CSMD1: variants seen among roughly 807,000 people sequenced by gnomAD.
CSMD1 encodes CUB and Sushi multiple domains 1.
In CSMD1, 213 loss-of-function variants were observed where a neutral mutation model predicts 417.5. That is an observed-to-expected ratio of 0.51 (90% CI 0.46 to 0.57). The LOEUF is 0.57. Ranked by LOEUF, CSMD1 falls within the 20% of genes least tolerant of loss-of-function variation. The pLI is 0.00. For missense variants in CSMD1, 6,923 were observed against 4,529.7 expected (o/e 1.53, Z -15.17); for synonymous variants, 2,862 against 1,736.8 (o/e 1.65, Z -16.11).
At chr8:4,212,754 T>G (rs1171006020) in intron 3 of CSMD1, among the ~76,000 whole-genome samples, 1 of 15,924 alleles carries the variant, frequency 6.3e-5, no homozygotes, top group Non-Finnish European at 2.0e-4. Context: ...CCTTATTCTT[T>G]TTTTTTTTTT....
rs983061956 is a variant in CSMD1, at chr8:3,106,394, T to C, written c.6949+134A>G. ...ACCTGGGTGACAGAGTAAGACCCTA[T>C]CTCCAAGATAAATAAATAAATAATA... On this transcript the variant is annotated intron_variant, in intron 46 of 69. Transcript: ENST00000635120. 1.7e-5 allele frequency: 10 copies of C among 579,458 alleles called. No individual in the cohort carries two copies. In the East Asian group the frequency reaches 2.7e-4, roughly 16 times the overall value. 35.9% of individuals were successfully genotyped at this position (579,458 alleles called of 1,614,324 possible).
chr8:3,725,005 G>C (rs1287169736), intron 6 of CSMD1, among the ~76,000 whole-genome samples: 1 of 152,172 alleles, frequency 6.6e-6, no homozygotes, highest in African/African-American at 2.4e-5. Flanking sequence ...ATTTTATACA[G>C]CTATAAACGT....
intron 1 of CSMD1, among the ~76,000 whole-genome samples, chr8:4,923,184 T>G (rs566911809): frequency 6.6e-6 from 1 of 152,316 alleles, no homozygotes; most frequent in South Asian, 2.1e-4. Context: ...AGATGACCAC[T>G]GTCATTTTCT....
intron 10 of CSMD1, among the ~76,000 whole-genome samples, chr8:3,564,817 A>C (rs769218784): frequency 1.1e-4 from 17 of 152,024 alleles, no homozygotes; most frequent in Non-Finnish European, 2.4e-4. Context: ...AGTAGTCACC[A>C]AAACCAAACT....
chr8:3,545,593 T>A (rs974078004), intron 10 of CSMD1, among the ~76,000 whole-genome samples: 1 of 152,198 alleles, frequency 6.6e-6, no homozygotes, highest in East Asian at 1.9e-4. Flanking sequence ...AGGCTACTTA[T>A]CATGGGCTCT....
chr8:3,084,599 ATCTC>A (rs1370142091), intron 49 of CSMD1, among the ~76,000 whole-genome samples: 2 of 151,860 alleles, frequency 1.3e-5, no homozygotes, highest in African/African-American at 2.4e-5. Context: ...AACAAATAAA[ATCTC>A]TCTTTGTTGC....
rs550262351 is a variant in CSMD1 at position 4,510,193 on chromosome 8, G to A, written c.303-90128C>T. 6.6e-5 allele frequency among the ~76,000 whole-genome samples: 10 copies of A among 151,882 alleles called. 1 individual carries two copies. Among genetic ancestry groups the A allele is most frequent in the South Asian group, 6.2e-4 (3 of 4,816 alleles). On this transcript the variant is annotated intron_variant, in intron 2 of 69. Coordinates refer to ENST00000635120, the MANE Select transcript of CSMD1 (RefSeq NM_033225.6). ...TGACTTTGCTCCTCATTCACCTTCCGCCATGATAGTGAGGTCTCTCCAGCC... is the reference window on the plus strand; with the variant it reads ...TGACTTTGCTCCTCATTCACCTTCCACCATGATAGTGAGGTCTCTCCAGCC...
chr8:3,797,916 G>C (rs1800248048), intron 5 of CSMD1, among the ~76,000 whole-genome samples: 1 of 151,964 alleles, frequency 6.6e-6, no homozygotes, highest in Admixed American at 6.6e-5. Context: ...GTCAACATTT[G>C]ATATTGTCAA....
At chr8:4,308,092 T>C (rs892780795) in intron 3 of CSMD1, among the ~76,000 whole-genome samples, 11 of 152,180 alleles carry the variant, frequency 7.2e-5, no homozygotes, top group African/African-American at 2.7e-4. Flanking sequence ...ATTCGAACAG[T>C]GGCAGAAGTG....
chr8:4,562,464 G>A lies in CSMD1; in HGVS notation c.302+74878C>T, dbSNP rs78833227. 1.3e-3 allele frequency among the ~76,000 whole-genome samples: 193 copies of A among 152,260 alleles called. 2 individuals carry two copies. The East Asian group carries it at 0.031, about 24-fold the overall frequency. Reference sequence around the variant, plus strand: ...GTTATAATTCAACTCAAACTGTAGAGATTGAATTCATTAGAAATCTTATCA... The same window carrying A: ...GTTATAATTCAACTCAAACTGTAGAAATTGAATTCATTAGAAATCTTATCA... On this transcript the variant is annotated intron_variant, in intron 2 of 69. Coordinates refer to ENST00000635120, the MANE Select transcript of CSMD1 (RefSeq NM_033225.6).
chr8:4,361,693 C>G (rs990644933), intron 3 of CSMD1, among the ~76,000 whole-genome samples: 15 of 151,874 alleles, frequency 9.9e-5, no homozygotes, highest in Admixed American at 9.8e-4. Context: ...GCTTGGCTCA[C>G]GCCTGTAATC....
intron 2 of CSMD1, among the ~76,000 whole-genome samples, chr8:4,432,187 T>C (rs1009215787): frequency 2.6e-5 from 4 of 152,200 alleles, no homozygotes; most frequent in Non-Finnish European, 5.9e-5. Context: ...ATTGCGAAGT[T>C]TGAAAAAGTA....
chr8:3,632,872 G>C (rs1206341869), intron 7 of CSMD1, among the ~76,000 whole-genome samples: 4 of 152,216 alleles, frequency 2.6e-5, no homozygotes, highest in African/African-American at 9.6e-5. Context: ...CCTGTTTTAA[G>C]AAGGAAGTTC....
chr8:3,097,100 G>C, intron 46 of CSMD1, 63 bp from the exon 47 acceptor site: 3 of 1,291,420 alleles, frequency 2.3e-6, no homozygotes, highest in Non-Finnish European at 3.2e-6. Context: ...CAATAGGATA[G>C]TTTCTATCCC....
intron 5 of CSMD1, among the ~76,000 whole-genome samples, chr8:3,806,428 G>A (rs61091842): frequency 6.6e-5 from 10 of 152,284 alleles, no homozygotes; most frequent in East Asian, 1.9e-4. Flanking sequence ...ATCCTGATAC[G>A]GCCATGGCCT....
At chr8:4,848,261 G>C (rs1332901143) in intron 1 of CSMD1, among the ~76,000 whole-genome samples, 1 of 152,146 alleles carries the variant, frequency 6.6e-6, no homozygotes, top group Non-Finnish European at 1.5e-5. Context: ...TTCCTAGTTT[G>C]AATAATGTTG....
chr8:4,264,408 A>G (rs181855247), intron 3 of CSMD1, among the ~76,000 whole-genome samples: 4 of 152,344 alleles, frequency 2.6e-5, no homozygotes, highest in Non-Finnish European at 5.9e-5. Context: ...CAGAGGTTGC[A>G]CATGTATCTA....
chr8:3,741,619 T>A (rs1383281739), intron 6 of CSMD1, among the ~76,000 whole-genome samples: 2 of 152,240 alleles, frequency 1.3e-5, no homozygotes, highest in Non-Finnish European at 2.9e-5. Context: ...GTGCAAATAG[T>A]GCAGACAGAT....
At chr8:4,772,562 T>C (rs1473192358) in intron 1 of CSMD1, among the ~76,000 whole-genome samples, 2 of 152,210 alleles carry the variant, frequency 1.3e-5, no homozygotes, top group African/African-American at 4.8e-5. Flanking sequence ...ACATATGTCT[T>C]AAAGTGTATT....
Sources: allele counts gnomAD v4.1 joint callset (sites outside exome capture counted in the v4.1 genomes callset), GRCh38; gene constraint gnomAD v4.1.1; transcripts MANE v1.5; gene names NCBI Gene and HGNC (gene_info 2026-07-23, HGNC 2026-07-21).